MAZ: variants seen among roughly 807,000 people sequenced by gnomAD.
MAZ encodes the protein myc-associated zinc finger protein.
Under a neutral mutation model 32.7 loss-of-function variants are expected in MAZ, and 4 were observed. The ratio of observed to expected loss-of-function variants is 0.12; its 90% CI spans 0.06 to 0.28. The LOEUF (loss-of-function observed/expected upper bound fraction) is 0.28. Among genes scored for constraint, MAZ ranks in the 10% least tolerant of loss-of-function variants. The probability of loss-of-function intolerance (pLI) is 1.00; values close to 1 mark genes in which losing one functional copy is unlikely to be tolerated. For synonymous variants in MAZ, 510 were observed against 297.6 expected, an observed-to-expected ratio of 1.71 and a Z score of -7.35; for missense variants, 763 against 667.2, an observed-to-expected ratio of 1.14 and a Z score of -1.58.
Position 29,807,552 on chromosome 16 carries a change from G to A in MAZ, c.767G>A (p.Gly256Asp), listed in dbSNP as rs1299687101. Residue 256 changes from glycine (G) to aspartate (D), a missense_variant, in exon 2 of 5, where the codon GGC becomes GAC. Coordinates refer to ENST00000322945, the MANE Select transcript of MAZ (RefSeq NM_002383.4). Reference protein sequence around the residue: ...GGGGEAGAGGGAAAVAAGGVV... With the variant: ...GGGGEAGAGGDAAAVAAGGVV... ...GGGGGAGAGGCGGGTGCCGGCGGCGGCGCTGCCGCAGTGGCCGCCGGTGGC... is the reference window on the plus strand; with the variant it reads ...GGGGGAGAGGCGGGTGCCGGCGGCGACGCTGCCGCAGTGGCCGCCGGTGGC... 6 of 1,602,980 alleles carry A rather than the reference G, an allele frequency of 3.7e-6. No homozygotes were observed. Among genetic ancestry groups the A allele is most frequent in the Non-Finnish European group, 5.1e-6 (6 of 1,175,984 alleles).
intron 4 of MAZ, 107 bp from the exon 5 acceptor site, chr16:29,809,970 T>C: frequency 6.6e-7 from 1 of 1,516,844 alleles, no homozygotes. Context: ...AGATAGGAAG[T>C]GAGCAACGGC....
At chr16:29,808,015 T>C in intron 2 of MAZ, 187 bp downstream of exon 2, 1 of 1,204,174 alleles carries the variant, frequency 8.3e-7, no homozygotes, top group Non-Finnish European at 1.1e-6. Flanking sequence ...GTCGAGGAGG[T>C]GGGCCTTGGG....
At chr16:29,809,122 C>G (rs533337804) in intron 4 of MAZ, 1 of 508,296 alleles carries the variant, frequency 2.0e-6, no homozygotes, top group Non-Finnish European at 3.5e-6. Context: ...CCGGGCTTTA[C>G]CAGCACGCAC....
In MAZ at chr16:29,809,701, C is replaced by T. The variant is rs1017065319; in HGVS notation, c.1280-376C>T. 1.5e-5 allele frequency: 22 copies of T among 1,505,048 alleles called. No homozygotes were observed. Among genetic ancestry groups the T allele is most frequent in the African/African-American group, 5.6e-5 (4 of 71,514 alleles). The allele number at this position is 1,505,048 out of a possible 1,614,324, so 93.2% of individuals were successfully genotyped here. On this transcript the variant is annotated intron_variant, in intron 4 of 4. Coordinates refer to ENST00000322945, the MANE Select transcript of MAZ (RefSeq NM_002383.4). The stretch of plus-strand genomic sequence containing the variant: ...GACCCATCTGGGGGGGGCCGCCCCC[C>T]CTGTCCCGGGAGACGCCCCCCAGCC...
At chr16:29,808,803 T>G (rs1269693412) in intron 4 of MAZ, 62 bp downstream of exon 4, 5 of 1,546,174 alleles carry the variant, frequency 3.2e-6, no homozygotes, top group Non-Finnish European at 4.4e-6. Flanking sequence ...CCAGACGCCT[T>G]GCCACGGATA....
rs761537307 is a variant in MAZ at position 29,808,051 on chromosome 16, AGGCGGC to A, written c.1044-169_1044-164del. On this transcript the variant is annotated intron_variant, in intron 2 of 4. Coordinates refer to ENST00000322945, the MANE Select transcript of MAZ (RefSeq NM_002383.4). ...GTTGACGGAAGCTTCGCGTGGGAGGAGGCGGCGGCGGCGGCAGCGGCTGCTGGGCTC... is the reference window on the plus strand; with the variant it reads ...GTTGACGGAAGCTTCGCGTGGGAGGAGGCGGCGGCAGCGGCTGCTGGGCTC... The A allele has an allele frequency of 2.3e-5, 23 of 1,014,362 alleles. No homozygotes were observed. The Admixed American group carries it at 3.4e-4, about 15-fold the overall frequency. The allele number at this position is 1,014,362 out of a possible 1,614,324, so 62.8% of individuals were successfully genotyped here. A position where few individuals can be genotyped will look rare whatever the true frequency, so the allele number is the denominator to read the frequency against.
chr16:29,808,626 C>T lies in MAZ; in HGVS notation c.1164C>T (p.His388=), dbSNP rs1247363399. 8.7e-6 allele frequency: 14 copies of T among 1,613,378 alleles called. No individual in the cohort carries two copies. The East Asian group carries it at 1.1e-4, about 13-fold the overall frequency. The change falls in exon 4 of 5, where the codon CAC becomes CAT. Residue 388 remains histidine, a synonymous_variant. Transcript: ENST00000322945. ...KDRLRAHTVR[H]EEKVPCHVCG... The stretch of plus-strand genomic sequence containing the variant: ...GGCTGCGGGCGCACACAGTACGACA[C>T]GAGGAGAAAGTGCCATGTCACGTGT...
chr16:29,808,910 C>G, intron 4 of MAZ, 169 bp downstream of exon 4: 1 of 626,076 alleles, frequency 1.6e-6, no homozygotes, highest in Non-Finnish European at 2.8e-6. Context: ...CATCATTAGA[C>G]TCTAAGAAGT....
In MAZ at chr16:29,810,324, C is replaced by A; in HGVS notation, c.*93C>A. Reference sequence around the variant, plus strand: ...CCTCTTTTCCCACCAACTCCTATTTCCCTACCAACCAAGGAGCCTCCAGAA... The same window carrying A: ...CCTCTTTTCCCACCAACTCCTATTTACCTACCAACCAAGGAGCCTCCAGAA... On this transcript the variant is annotated 3_prime_UTR_variant, in exon 5 of 5. Coordinates refer to ENST00000322945, the MANE Select transcript of MAZ (RefSeq NM_002383.4). 2 of 1,279,038 alleles carry A rather than the reference C, an allele frequency of 1.6e-6. No individual in the cohort carries two copies. The highest frequency in any genetic ancestry group is 2.2e-6 in the Non-Finnish European group (2 of 905,556). 79.2% of individuals were successfully genotyped at this position (1,279,038 alleles called of 1,614,324 possible).
At chr16:29,808,050 G>A (rs1266806504) in intron 2 of MAZ, 180 bp from the exon 3 acceptor site, 1 of 1,039,922 alleles carries the variant, frequency 9.6e-7, no homozygotes, top group Non-Finnish European at 1.4e-6. Flanking sequence ...CGCGTGGGAG[G>A]AGGCGGCGGC....
intron 4 of MAZ, 29 bp from the exon 5 acceptor site, chr16:29,810,048 C>G (rs764316091): frequency 1.3e-6 from 2 of 1,590,336 alleles, no homozygotes; most frequent in Admixed American, 3.5e-5. Flanking sequence ...TCAGATCGCG[C>G]TGTGATCCGT....
At position 29,807,694 on chromosome 16, in the gene MAZ, C is replaced by G. The variant is rs758005648; in HGVS notation, c.909C>G (p.Asp303Glu). 6.2e-7 allele frequency: 1 copy of G among 1,612,962 alleles called. No individual in the cohort carries two copies. The highest frequency in any genetic ancestry group is 8.5e-7 in the Non-Finnish European group (1 of 1,179,978). ...ACCGACACAAGCTGTCGCACTCGGA[C>G]GAGAAGCCCTACCAGTGCCCGGTGT... ...HLNRHKLSHS[D>E]EKPYQCPVCQ... The change falls in exon 2 of 5, where the codon GAC (aspartate) becomes GAG (glutamate). Residue 303 changes from aspartate (D) to glutamate (E), a missense_variant. Transcript: ENST00000322945.
chr16:29,810,171 C>T lies in MAZ; in HGVS notation c.1374C>T (p.Ser458=), dbSNP rs1899849221. The change falls in exon 5 of 5, where the codon TCC becomes TCT. Residue 458 remains serine (S), a synonymous_variant. Transcript: ENST00000322945. ...AVAAPPTAVG[S]LSGAEGVPVS... ...CAGCCCCTCCCACAGCTGTGGGCTC[C>T]CTCTCGGGGGCGGAGGGGGTGCCTG... The T allele has an allele frequency of 1.2e-6, 2 of 1,610,436 alleles. No individual in the cohort carries two copies. Among genetic ancestry groups the T allele is most frequent in the Non-Finnish European group, 1.7e-6 (2 of 1,178,638 alleles).
rs756090914 is a variant in MAZ at position 29,807,544 on chromosome 16, C to T, written c.759C>T (p.Ala253=). The part of the protein sequence containing the change: ...GAGGGGGEAG[A]GGGAAAVAAG... ...GCGGGGGAGGGGGAGAGGCGGGTGC[C>T]GGCGGCGGCGCTGCCGCAGTGGCCG... is the stretch of plus-strand genomic sequence containing the variant. The change falls in exon 2 of 5, where the codon GCC becomes GCT. Residue 253 remains alanine, a synonymous_variant. Transcript: ENST00000322945. The T allele has an allele frequency of 6.3e-6, 10 of 1,599,366 alleles. No homozygotes were observed. Among genetic ancestry groups the T allele is most frequent in the East Asian group, 4.5e-5 (2 of 44,612 alleles).
rs775395310 is a variant in MAZ at position 29,810,239 on chromosome 16, G to A, written c.*8G>A. 2.3e-5 allele frequency: 36 copies of A among 1,580,080 alleles called. No individual in the cohort carries two copies. The highest frequency in any genetic ancestry group is 1.7e-4 in the Middle Eastern group (1 of 6,046). On this transcript the variant is annotated 3_prime_UTR_variant, in exon 5 of 5. Transcript: ENST00000322945. ...CCCTCCCAACCCTGGTGAGCTCCAA[G>A]TTGGTTGCGGGGGAGAGGGGAGAAT... is the stretch of plus-strand genomic sequence containing the variant.
At position 29,807,321 on chromosome 16, in the gene MAZ, C is replaced by A; in HGVS notation, c.536C>A (p.Ala179Asp). The A allele has an allele frequency of 6.2e-7, 1 of 1,606,746 alleles. No individual in the cohort carries two copies. Among genetic ancestry groups the A allele is most frequent in the Non-Finnish European group, 8.5e-7 (1 of 1,177,340 alleles). ...GTCGCCGTGGCCCCGGTCGCGTCTG[C>A]CTTGGAGAAGAAGACAAAGAGCAAG... ...STVAVAPVAS[A>D]LEKKTKSKGP... Residue 179 changes from alanine (A) to aspartate (D), a missense_variant, in exon 2 of 5, where the codon GCC becomes GAC. Transcript: ENST00000322945.
upstream of MAZ, chr16:29,806,138 C>T (rs779224676): frequency 7.7e-6 from 10 of 1,305,804 alleles, no homozygotes; most frequent in South Asian, 7.4e-5. Context: ...CCCTCCCTCC[C>T]TCCGCCATGG....
chr16:29,809,115 G>A, intron 4 of MAZ: 2 of 515,962 alleles, frequency 3.9e-6, no homozygotes, highest in Non-Finnish European at 6.8e-6. Context: ...ACACGGGCCG[G>A]GCTTTACCAG....
At position 29,806,784 on chromosome 16, in the gene MAZ, T is replaced by C; in HGVS notation, c.83T>C (p.Met28Thr). The part of the protein sequence containing the change: ...GLDSRGVGGL[M>T]NSFPPPQGHA... ...GACTCCCGGGGGGTGGGCGGCCTCATGAACTCCTTCCCGCCACCTCAGGGT... is the reference window on the plus strand; with the variant it reads ...GACTCCCGGGGGGTGGGCGGCCTCACGAACTCCTTCCCGCCACCTCAGGGT... The change falls in exon 1 of 5, where the codon ATG (methionine) becomes ACG (threonine). Residue 28 changes from methionine (M) to threonine (T), a missense_variant. Transcript: ENST00000322945. The C allele has an allele frequency of 7.0e-7, 1 of 1,433,548 alleles. No homozygotes were observed. Among genetic ancestry groups the C allele is most frequent in the East Asian group, 3.0e-5 (1 of 33,162 alleles). The allele number at this position is 1,433,548 out of a possible 1,614,324, so 88.8% of individuals were successfully genotyped here. A position where few individuals can be genotyped will look rare whatever the true frequency, so the allele number is the denominator to read the frequency against.
Sources: gnomAD v4.1 joint callset for allele counts on GRCh38, gnomAD v4.1.1 for gene constraint, MANE v1.5 for transcripts, NCBI Gene and HGNC (gene_info 2026-07-23, HGNC 2026-07-21) for gene names.